FRMPD4: variants seen among roughly 807,000 people sequenced by gnomAD.
The protein encoded by FRMPD4 is FERM and PDZ domain containing 4, also known as FERM and PDZ domain-containing protein 4.
A neutral mutation model predicts 94.1 loss-of-function variants in FRMPD4; 22 were observed. That is an observed-to-expected ratio of 0.23 (90% CI 0.17 to 0.33). FRMPD4 has a LOEUF of 0.33. Among genes scored for constraint, FRMPD4 ranks in the 10% least tolerant of loss-of-function variants. FRMPD4 has a pLI of 1.00. For missense variants in FRMPD4, 1,111 were observed against 1,339.9 expected (o/e 0.83, Z 2.67); for synonymous variants, 631 against 548.6 (o/e 1.15, Z -2.10).
At chrX:12,720,466 T>C in intron 16 of FRMPD4, 68 bp from the exon 17 acceptor site, 2 of 1,065,798 alleles carry the variant, frequency 1.9e-6, no homozygotes, top group Non-Finnish European at 2.6e-6. Flanking sequence ...CATGTAGAGA[T>C]GTAGTAAAAA....
chrX:11,886,060 G>A (rs2053843532), intron 3 of FRMPD4, among the ~76,000 whole-genome samples: 1 of 111,534 alleles, frequency 9.0e-6, no homozygotes, highest in Non-Finnish European at 1.9e-5. Context: ...TAAAACCAAG[G>A]TGCCCCTGGG....
At chrX:12,165,277 G>A (rs1226167937) in intron 1 of FRMPD4, among the ~76,000 whole-genome samples, 1 of 112,505 alleles carries the variant, frequency 8.9e-6, no homozygotes, top group East Asian at 2.8e-4. Context: ...TGGCCAGCCA[G>A]TTTTCCCAGC....
intron 4 of FRMPD4, 92 bp from the exon 5 acceptor site, chrX:12,674,771 G>A (rs185540932): frequency 4.2e-5 from 26 of 615,453 alleles, no homozygotes; most frequent in Admixed American, 1.8e-4. Flanking sequence ...ATTCACTAAC[G>A]CATCACACAT....
chrX:12,229,381 T>A (rs1211313901), intron 1 of FRMPD4, among the ~76,000 whole-genome samples: 1 of 111,865 alleles, frequency 8.9e-6, no homozygotes, highest in Non-Finnish European at 1.9e-5. Context: ...CATAGGATGT[T>A]AGATGTGTTA....
At chrX:12,064,764 G>T (rs1230056288) in intron 3 of FRMPD4, among the ~76,000 whole-genome samples, 1 of 111,567 alleles carries the variant, frequency 9.0e-6, no homozygotes, top group Non-Finnish European at 1.9e-5. Context: ...ATATATCCTG[G>T]GATAAAATTT....
chrX:11,932,689 A>AC lies in FRMPD4; in HGVS notation c.95+54671_95+54672insC, dbSNP rs1216770214. Among the ~76,000 whole-genome samples the AC allele has an allele frequency of 8.5e-5, 7 of 82,542 alleles. No homozygotes were observed. In the East Asian group the frequency reaches 7.2e-3, roughly 85 times the overall value. The allele number at this position is 82,542 out of a possible 115,157, so 71.7% of individuals were successfully genotyped here. On this transcript the variant is annotated intron_variant, in intron 3 of 18. Transcript: ENST00000640291. ...ATGAGGACCAAAGAATAAAACAAAC[A>AC]TAAAAAAAAAAAAAAGATTTGAACT... is the stretch of plus-strand genomic sequence containing the variant.
chrX:12,542,877 G>A (rs1327489843), intron 2 of FRMPD4, among the ~76,000 whole-genome samples: 1 of 112,137 alleles, frequency 8.9e-6, no homozygotes, highest in Non-Finnish European at 1.9e-5. Flanking sequence ...CATGGTACTG[G>A]TATCTAAACA....
At chrX:11,949,408 T>G (rs1245880094) in intron 3 of FRMPD4, among the ~76,000 whole-genome samples, 1 of 112,003 alleles carries the variant, frequency 8.9e-6, no homozygotes, top group Admixed American at 9.5e-5. Flanking sequence ...AACTTGAAAC[T>G]TCCTGAGCAT....
chrX:11,976,119 TC>T (rs1015578165), intron 3 of FRMPD4, among the ~76,000 whole-genome samples: 10 of 111,812 alleles, frequency 8.9e-5, no homozygotes, highest in Non-Finnish European at 1.9e-4. Flanking sequence ...TCTTGAACAC[TC>T]TGTCTCTGAC....
intron 3 of FRMPD4, among the ~76,000 whole-genome samples, chrX:11,973,776 A>G (rs1283497993): frequency 1.8e-5 from 2 of 112,061 alleles, no homozygotes; most frequent in African/African-American, 3.2e-5. Flanking sequence ...AAGGAGTGCT[A>G]TATAACGCTA....
chrX:12,426,232 C>T (rs2056943632), intron 1 of FRMPD4, among the ~76,000 whole-genome samples: 1 of 111,097 alleles, frequency 9.0e-6, no homozygotes, highest in Non-Finnish European at 1.9e-5. Context: ...TCAGGAGAGA[C>T]ACATTATAGA....
intron 3 of FRMPD4, among the ~76,000 whole-genome samples, chrX:12,100,020 A>G (rs2055240839): frequency 8.9e-6 from 1 of 112,348 alleles, no homozygotes; most frequent in Non-Finnish European, 1.9e-5. Flanking sequence ...ACTCATTTTC[A>G]TATTGCCTAG....
chrX:12,717,342 C>T (rs950293495), intron 15 of FRMPD4, among the ~76,000 whole-genome samples, 159 bp from the exon 16 acceptor site: 3 of 110,372 alleles, frequency 2.7e-5, no homozygotes, highest in Non-Finnish European at 5.7e-5. Context: ...CATCTCCCCC[C>T]ACCCCCATTT....
At chrX:12,063,179 G>A (rs1431931210) in intron 3 of FRMPD4, among the ~76,000 whole-genome samples, 2 of 111,254 alleles carry the variant, frequency 1.8e-5, no homozygotes, top group African/African-American at 6.5e-5. Context: ...AGACCAGCCT[G>A]GACAACATAG....
upstream of FRMPD4, among the ~76,000 whole-genome samples, chrX:12,137,628 A>AG (rs1031908396): frequency 1.1e-4 from 12 of 111,776 alleles, no homozygotes; most frequent in African/African-American, 3.9e-4. Context: ...AAGAAGAAAA[A>AG]GGGGCCCAAT....
chrX:11,897,069 C>A (rs1190167833), intron 3 of FRMPD4, among the ~76,000 whole-genome samples: 1 of 108,070 alleles, frequency 9.3e-6, no homozygotes, highest in African/African-American at 3.4e-5. Context: ...ACATTCACCT[C>A]ACTCTGCTTT....
intron 3 of FRMPD4, among the ~76,000 whole-genome samples, chrX:11,917,006 G>A: frequency 8.9e-6 from 1 of 111,861 alleles, no homozygotes; most frequent in Non-Finnish European, 1.9e-5. Context: ...TTTCTTCCAG[G>A]ACTGAAGGAG....
intron 1 of FRMPD4, among the ~76,000 whole-genome samples, chrX:11,856,672 C>T (rs776306728): frequency 2.7e-5 from 3 of 112,111 alleles, no homozygotes; most frequent in African/African-American, 9.7e-5. Flanking sequence ...TCTCTCACCA[C>T]TCCTATTCAG....
chrX:11,967,770 T>TTTTTGTTTTTTG (rs2054319102), intron 3 of FRMPD4, among the ~76,000 whole-genome samples: 7 of 103,697 alleles, frequency 6.8e-5, no homozygotes, highest in African/African-American at 2.1e-4. Context: ...TTTTTTTTTT[T>TTTTTGTTTTTTG]TTTTTTTTAA....
Sources: gnomAD v4.1 joint callset for allele counts (sites outside exome capture counted in the v4.1 genomes callset) on GRCh38, gnomAD v4.1.1 for gene constraint, MANE v1.5 for transcripts, NCBI Gene and HGNC (gene_info 2026-07-23, HGNC 2026-07-21) for gene names.